Variants in EFNA2 observed in about 807,000 individuals in gnomAD.
The protein encoded by EFNA2 is ephrin-A2.
In EFNA2, 18 loss-of-function variants were observed where a neutral mutation model predicts 19.7. The observed-to-expected ratio is 0.91, with a 90% CI of 0.63 to 1.35. The LOEUF is 1.35. EFNA2 is among the 40% of genes most tolerant of loss of function. EFNA2 has a pLI of 0.00. For synonymous variants in EFNA2, 187 were observed against 137.8 expected, an observed-to-expected ratio of 1.36 and a Z score of -2.50; for missense variants, 303 against 296.0, an observed-to-expected ratio of 1.02 and a Z score of -0.17.
chr19:1,293,910 G>C (rs1040576634), intron 1 of EFNA2, among the ~76,000 whole-genome samples: 1 of 152,232 alleles, frequency 6.6e-6, no homozygotes, highest in African/African-American at 2.4e-5. Context: ...TCAGGGTGGC[G>C]GGGGGCCGGG....
chr19:1,287,691 T>G lies in EFNA2; in HGVS notation c.140+1383T>G, dbSNP rs1286257739. On this transcript the variant is annotated intron_variant, in intron 1 of 3. Coordinates refer to ENST00000215368, the MANE Select transcript of EFNA2 (RefSeq NM_001405.4). This position sits in a 1 kb window ranked among gnomAD's most constrained non-coding sequence, Gnocchi z 6.2. ...GCCGCTGGGGGACGGCTGGCCCACC[T>G]CAGAGCGGGTCCCCGAGCCGCCCGC... 2.6e-5 allele frequency among the ~76,000 whole-genome samples: 4 copies of G among 151,428 alleles called. No homozygotes were observed. Among genetic ancestry groups the G allele is most frequent in the African/African-American group, 9.7e-5 (4 of 41,114 alleles).
chr19:1,299,895 C>T lies in EFNA2; in HGVS notation c.592C>T (p.Arg198Cys), dbSNP rs779816046. The T allele has an allele frequency of 5.0e-6, 8 of 1,605,158 alleles. No homozygotes were observed. The highest frequency in any genetic ancestry group is 4.4e-5 in the South Asian group (4 of 90,512). ...NNSCSSPGGCRLFLSTIPVLW... is the reference protein window; with the variant it reads ...NNSCSSPGGCCLFLSTIPVLW... ...CTCGTGTAGCAGCCCGGGCGGCTGC[C>T]GCCTCTTCCTCAGCACCATCCCCGT... is the stretch of plus-strand genomic sequence containing the variant. Residue 198 changes from arginine to cysteine, a missense_variant, in exon 4 of 4, where the codon CGC (arginine) becomes TGC (cysteine). By Grantham distance (180) the Arg-to-Cys change is radical. Coordinates refer to ENST00000215368, the MANE Select transcript of EFNA2 (RefSeq NM_001405.4).
rs989783738 is a variant in EFNA2 at position 1,287,621 on chromosome 19, A to C, written c.140+1313A>C. On this transcript the variant is annotated intron_variant, in intron 1 of 3. Transcript: ENST00000215368. The surrounding 1 kb of genome is among the most constrained non-coding windows in gnomAD (Gnocchi z 6.2). ...CACAGGCCCACCCCCCACCCTGGTC[A>C]ACGGCCTCGGGTCGGGCCCTGGGGG... Among the ~76,000 whole-genome samples the C allele has an allele frequency of 5.3e-5, 8 of 151,714 alleles. No homozygotes were observed. Among genetic ancestry groups the C allele is most frequent in the Admixed American group, 1.3e-4 (2 of 15,268 alleles).
chr19:1,287,789 C>T lies in EFNA2; in HGVS notation c.140+1481C>T, dbSNP rs575365177. On this transcript the variant is annotated intron_variant, in intron 1 of 3. Transcript: ENST00000215368. The surrounding 1 kb of genome is among the most constrained non-coding windows in gnomAD (Gnocchi z 6.2). Reference sequence around the variant, plus strand: ...GGGAGTCCAGCGGGCAGCGCTTCCCCGGCCCAAGTTTTTGGTTTCAGCTGC... The same window carrying T: ...GGGAGTCCAGCGGGCAGCGCTTCCCTGGCCCAAGTTTTTGGTTTCAGCTGC... 8.5e-5 allele frequency among the ~76,000 whole-genome samples: 13 copies of T among 152,256 alleles called. No individual in the cohort carries two copies. The highest frequency in any genetic ancestry group is 1.5e-4 in the Non-Finnish European group (10 of 68,036).
rs1176025675 is a variant in EFNA2 at position 1,295,042 on chromosome 19, G to C, written c.141-503G>C. Among the ~76,000 whole-genome samples the C allele has an allele frequency of 6.6e-6, 1 of 152,058 alleles. No individual in the cohort carries two copies. The highest frequency in any genetic ancestry group is 1.5e-5 in the Non-Finnish European group (1 of 68,000). On this transcript the variant is annotated intron_variant, in intron 1 of 3. Coordinates refer to ENST00000215368, the MANE Select transcript of EFNA2 (RefSeq NM_001405.4). This position sits in a 1 kb window ranked among gnomAD's most constrained non-coding sequence, Gnocchi z 5.8. ...TGTCACCCACCTGGACACCCACCTCGCTGCTGGCCCTGCCGTGGGGCTGTT... is the reference window on the plus strand; with the variant it reads ...TGTCACCCACCTGGACACCCACCTCCCTGCTGGCCCTGCCGTGGGGCTGTT...
chr19:1,292,284 G>A (rs570987633), intron 1 of EFNA2, among the ~76,000 whole-genome samples: 40 of 152,298 alleles, frequency 2.6e-4, no homozygotes, highest in Admixed American at 2.5e-3. Flanking sequence ...GGAAAAATAC[G>A]GCCCCACTCC....
At position 1,299,986 on chromosome 19, in the gene EFNA2, G is replaced by T. The variant is rs749382349; in HGVS notation, c.*41G>T. ...ACGCCGACCCTGCCTGGACGGCCCC[G>T]CCTGGACCGCCTGACCTCGGCCCTC... is the stretch of plus-strand genomic sequence containing the variant. On this transcript the variant is annotated 3_prime_UTR_variant, in exon 4 of 4. Coordinates refer to ENST00000215368, the MANE Select transcript of EFNA2 (RefSeq NM_001405.4). 4 of 1,560,096 alleles carry T rather than the reference G, an allele frequency of 2.6e-6. No homozygotes were observed. In the South Asian group the frequency reaches 3.5e-5, roughly 14 times the overall value.
Position 1,286,104 on chromosome 19 carries a change from G to A in EFNA2, c.-65G>A, listed in dbSNP as rs2081462516. The A allele has an allele frequency of 9.5e-6, 5 of 525,284 alleles. No homozygotes were observed. In the Admixed American group the frequency reaches 2.0e-4, roughly 21 times the overall value. 32.5% of individuals were successfully genotyped at this position (525,284 alleles called of 1,614,324 possible). On this transcript the variant is annotated 5_prime_UTR_variant, in exon 1 of 4. Coordinates refer to ENST00000215368, the MANE Select transcript of EFNA2 (RefSeq NM_001405.4). This position sits in a 1 kb window ranked among gnomAD's most constrained non-coding sequence, Gnocchi z 5.6. ...CCCGCTCGGCGGCGGCGGCGGCGGCGGAGGAGGCGGAGAAGGCTGGCAGGC... is the reference window on the plus strand; with the variant it reads ...CCCGCTCGGCGGCGGCGGCGGCGGCAGAGGAGGCGGAGAAGGCTGGCAGGC...
At chr19:1,293,877 C>T (rs1016660603) in intron 1 of EFNA2, among the ~76,000 whole-genome samples, 1 of 152,264 alleles carries the variant, frequency 6.6e-6, no homozygotes, top group Non-Finnish European at 1.5e-5. Flanking sequence ...CCAGGAACCC[C>T]CGGCCCCGCC....
In EFNA2 at chr19:1,300,794, C is replaced by A. The variant is rs544310673; in HGVS notation, c.*849C>A. ...TAGAAACTGCTTTGGCCGATGCAAA[C>A]AGCCCCCTACCCGTCCCCCTCGCCT... On this transcript the variant is annotated 3_prime_UTR_variant, in exon 4 of 4. Coordinates refer to ENST00000215368, the MANE Select transcript of EFNA2 (RefSeq NM_001405.4). Among the ~76,000 whole-genome samples, 1 of 152,162 alleles carries A rather than the reference C, an allele frequency of 6.6e-6. No individual in the cohort carries two copies. The highest frequency in any genetic ancestry group is 1.5e-5 in the Non-Finnish European group (1 of 68,026).
chr19:1,284,566 TGTGGCCCGC>T (rs2081454725), upstream of EFNA2, among the ~76,000 whole-genome samples: 2 of 152,168 alleles, frequency 1.3e-5, no homozygotes, highest in African/African-American at 4.8e-5. This position sits in a 1 kb window ranked among gnomAD's most constrained non-coding sequence, Gnocchi z 5.3. Context: ...GGTCAGGTGG[TGTGGCCCGC>T]GTGGCCCGCT....
chr19:1,287,785 T>G lies in EFNA2; in HGVS notation c.140+1477T>G, dbSNP rs2081473079. On this transcript the variant is annotated intron_variant, in intron 1 of 3. Transcript: ENST00000215368. The surrounding 1 kb of genome is among the most constrained non-coding windows in gnomAD (Gnocchi z 6.2). Reference sequence around the variant, plus strand: ...TGCGGGGAGTCCAGCGGGCAGCGCTTCCCCGGCCCAAGTTTTTGGTTTCAG... The same window carrying G: ...TGCGGGGAGTCCAGCGGGCAGCGCTGCCCCGGCCCAAGTTTTTGGTTTCAG... Among the ~76,000 whole-genome samples the G allele has an allele frequency of 6.6e-6, 1 of 152,226 alleles. No homozygotes were observed. The highest frequency in any genetic ancestry group is 6.5e-5 in the Admixed American group (1 of 15,292).
At position 1,286,217 on chromosome 19, in the gene EFNA2, C is replaced by G; in HGVS notation, c.49C>G (p.Pro17Ala). Residue 17 changes from proline to alanine, a missense_variant, in exon 1 of 4, where the codon CCG (proline) becomes GCG (alanine). Physicochemically the swap from Pro to Ala is conservative, Grantham distance 27 (BLOSUM62 -1). Coordinates refer to ENST00000215368, the MANE Select transcript of EFNA2 (RefSeq NM_001405.4). This position sits in a 1 kb window ranked among gnomAD's most constrained non-coding sequence, Gnocchi z 5.6. ...GCTCCCGCTGCTGCTCCTGCTGTTA[C>G]CGCTGCCGCCGCCGCCCTTCGCGCG... is the stretch of plus-strand genomic sequence containing the variant. ...PLLPLLLLLLPLPPPPFARAE... is the reference protein window; with the variant it reads ...PLLPLLLLLLALPPPPFARAE... The G allele has an allele frequency of 9.0e-7, 1 of 1,112,962 alleles. No individual in the cohort carries two copies. Among genetic ancestry groups the G allele is most frequent in the Non-Finnish European group, 1.1e-6 (1 of 899,966 alleles). The allele number at this position is 1,112,962 out of a possible 1,614,324, so 68.9% of individuals were successfully genotyped here. A position where few individuals can be genotyped will look rare whatever the true frequency, so the allele number is the denominator to read the frequency against.
chr19:1,299,845 C>A lies in EFNA2; in HGVS notation c.542C>A (p.Pro181His). ...RPTNETLYEA[P>H]EPIFTSNNSC... ...GCAGACGAGACCCTGTACGAGGCTCCTGAGCCCATCTTCACCAGCAATAAC... is the reference window on the plus strand; with the variant it reads ...GCAGACGAGACCCTGTACGAGGCTCATGAGCCCATCTTCACCAGCAATAAC... Residue 181 changes from proline (P) to histidine (H), a missense_variant, in exon 4 of 4, where the codon CCT (proline) becomes CAT (histidine). Pro to His is a moderately conservative substitution (Grantham distance 77). Coordinates refer to ENST00000215368, the MANE Select transcript of EFNA2 (RefSeq NM_001405.4). 6.2e-7 allele frequency: 1 copy of A among 1,603,648 alleles called. No homozygotes were observed. Among genetic ancestry groups the A allele is most frequent in the East Asian group, 2.2e-5 (1 of 44,672 alleles).
Position 1,296,147 on chromosome 19 carries a change from C to A in EFNA2, c.454+289C>A, listed in dbSNP as rs2081514485. 2.0e-5 allele frequency among the ~76,000 whole-genome samples: 3 copies of A among 152,238 alleles called. No homozygotes were observed. Among genetic ancestry groups the A allele is most frequent in the Non-Finnish European group, 2.9e-5 (2 of 68,038 alleles). ...CATGATGGACGTGCCATTCTCCCAA[C>A]CATCCCGGGAGGCCAGGACTTTCCT... On this transcript the variant is annotated intron_variant, in intron 2 of 3. Coordinates refer to ENST00000215368, the MANE Select transcript of EFNA2 (RefSeq NM_001405.4). This position sits in a 1 kb window ranked among gnomAD's most constrained non-coding sequence, Gnocchi z 4.4.
At chr19:1,290,582 G>T (rs2144615155) in intron 1 of EFNA2, among the ~76,000 whole-genome samples, 1 of 152,268 alleles carries the variant, frequency 6.6e-6, no homozygotes, top group East Asian at 1.9e-4. Context: ...GGAGCCGGTG[G>T]TCTCCTTGTC....
chr19:1,284,772 A>C (rs996130308), upstream of EFNA2, among the ~76,000 whole-genome samples: 2 of 152,190 alleles, frequency 1.3e-5, no homozygotes, highest in Non-Finnish European at 1.5e-5. The surrounding 1 kb of genome is among the most constrained non-coding windows in gnomAD (Gnocchi z 5.3). Context: ...CTTCGGGTCC[A>C]AGGGCTGTTG....
Position 1,286,060 on chromosome 19 carries a change from C to T in EFNA2, c.-109C>T, listed in dbSNP as rs1458922516. 8.6e-6 allele frequency: 2 copies of T among 231,758 alleles called. No homozygotes were observed. Among genetic ancestry groups the T allele is most frequent in the Admixed American group, 1.4e-4 (2 of 14,728 alleles). 14.4% of individuals were successfully genotyped at this position (231,758 alleles called of 1,614,324 possible). On this transcript the variant is annotated 5_prime_UTR_variant, in exon 1 of 4. Transcript: ENST00000215368. This position sits in a 1 kb window ranked among gnomAD's most constrained non-coding sequence, Gnocchi z 5.6. ...TCTCCAAGCGCCGCCGCGCCCTCCT[C>T]CCGCCCGCCCTCCGCCCGCCCGCTC... is the stretch of plus-strand genomic sequence containing the variant.
chr19:1,296,640 C>A lies in EFNA2; in HGVS notation c.454+782C>A, dbSNP rs140611816. 1.1e-3 allele frequency among the ~76,000 whole-genome samples: 160 copies of A among 152,282 alleles called. No individual in the cohort carries two copies. The highest frequency in any genetic ancestry group is 3.6e-3 in the African/African-American group (148 of 41,566). On this transcript the variant is annotated intron_variant, in intron 2 of 3. Transcript: ENST00000215368. The surrounding 1 kb of genome is among the most constrained non-coding windows in gnomAD (Gnocchi z 4.4). Reference sequence around the variant, plus strand: ...CTCCAGCCTGGGTGGCAGAGCGAGACCCTGTCTTTAAAAGAAGAAAAAAAC... The same window carrying A: ...CTCCAGCCTGGGTGGCAGAGCGAGAACCTGTCTTTAAAAGAAGAAAAAAAC...
Sources: allele counts gnomAD v4.1 joint callset (sites outside exome capture counted in the v4.1 genomes callset), GRCh38; gene constraint gnomAD v4.1.1; non-coding constraint Gnocchi (gnomAD v3.1); transcripts MANE v1.5; gene names NCBI Gene and HGNC (gene_info 2026-07-23, HGNC 2026-07-21).